The following CHST3 variants were observed in gnomAD, a reference collection of about 807,000 sequenced individuals.
CHST3 encodes the protein C6ST-1.
A neutral mutation model predicts 35.4 loss-of-function variants in CHST3; 20 were observed. The ratio of observed to expected loss-of-function variants is 0.57; its 90% CI spans 0.40 to 0.82. The LOEUF is 0.82. CHST3 is among the 40% of genes least tolerant of loss of function. The pLI is 0.00. For synonymous variants in CHST3, 334 were observed against 295.9 expected, an observed-to-expected ratio of 1.13 and a Z score of -1.32; for missense variants, 693 against 670.1, an observed-to-expected ratio of 1.03 and a Z score of -0.38.
intron 1 of CHST3, among the ~76,000 whole-genome samples, chr10:71,977,908 G>A (rs544340104): frequency 1.3e-5 from 2 of 152,028 alleles, no homozygotes; most frequent in African/African-American, 2.4e-5. Flanking sequence ...TTTAAAGAAG[G>A]TCTCCCACCA....
intron 1 of CHST3, among the ~76,000 whole-genome samples, chr10:71,993,969 G>A (rs925229650): frequency 7.2e-5 from 11 of 152,174 alleles, no homozygotes; most frequent in East Asian, 1.9e-4. Flanking sequence ...GCGTGGTGGC[G>A]GGCACCTGTA....
At chr10:71,972,854 G>C (rs950569403) in intron 1 of CHST3, among the ~76,000 whole-genome samples, 4 of 152,158 alleles carry the variant, frequency 2.6e-5, no homozygotes, top group African/African-American at 9.7e-5. Context: ...CTGGAAGCCT[G>C]GGTGGTGGCC....
At chr10:71,977,083 G>A (rs1302424490) in intron 1 of CHST3, among the ~76,000 whole-genome samples, 1 of 152,176 alleles carries the variant, frequency 6.6e-6, no homozygotes. Context: ...AAATAACCTG[G>A]AAATAGCATC....
At chr10:71,975,165 C>A (rs1445110582) in intron 1 of CHST3, among the ~76,000 whole-genome samples, 1 of 152,224 alleles carries the variant, frequency 6.6e-6, no homozygotes, top group Non-Finnish European at 1.5e-5. Flanking sequence ...TGCCTTCCTG[C>A]AGAATACAGT....
At chr10:71,973,884 G>A (rs1302711537) in intron 1 of CHST3, among the ~76,000 whole-genome samples, 1 of 152,226 alleles carries the variant, frequency 6.6e-6, no homozygotes, top group Non-Finnish European at 1.5e-5. Context: ...TGGCTGGACT[G>A]AACTGAAATG....
chr10:71,994,515 G>C (rs921676825), intron 1 of CHST3, among the ~76,000 whole-genome samples: 2 of 152,150 alleles, frequency 1.3e-5, no homozygotes, highest in Non-Finnish European at 2.9e-5. Flanking sequence ...TGTCATCCAG[G>C]CCTGTTCCAT....
At chr10:72,003,136 G>A (rs1840008696) in intron 1 of CHST3, among the ~76,000 whole-genome samples, 1 of 152,162 alleles carries the variant, frequency 6.6e-6, no homozygotes, top group Non-Finnish European at 1.5e-5. Flanking sequence ...GCTTTGCTGA[G>A]GATTTGATGA....
Position 72,008,453 on chromosome 10 carries a change from C to A in CHST3, c.1422C>A (p.Gly474=). 1.3e-6 allele frequency: 2 copies of A among 1,560,326 alleles called. No homozygotes were observed. The highest frequency in any genetic ancestry group is 2.3e-5 in the East Asian group (1 of 42,650). Reference sequence around the variant, plus strand: ...CAGTCAGCCTGCTGGAGGAGAGGGGCACCTTCTGGGTCACGTAGGGGGGCC... The same window carrying A: ...CAGTCAGCCTGCTGGAGGAGAGGGGAACCTTCTGGGTCACGTAGGGGGGCC... The part of the protein sequence containing the change: ...NRSVSLLEER[G]TFWVT Residue 474 remains glycine, a synonymous_variant, in exon 3 of 3, where the codon GGC becomes GGA. Transcript: ENST00000373115.
At position 71,964,424 on chromosome 10, in the gene CHST3, G is replaced by A. The variant is rs1345771780; in HGVS notation, c.-378G>A. ...GCCGGCTCGGGCCTGAGCGGGGAGG[G>A]CGCCAGGCAGGACCTCTCGCAGGCT... On this transcript the variant is annotated 5_prime_UTR_variant, in exon 1 of 3. Transcript: ENST00000373115. 3 of 152,300 alleles carry A rather than the reference G, an allele frequency of 2.0e-5. No individual in the cohort carries two copies. Among genetic ancestry groups the A allele is most frequent in the East Asian group, 1.9e-4 (1 of 5,182 alleles). 9.4% of individuals were successfully genotyped at this position (152,300 alleles called of 1,614,324 possible).
chr10:71,983,639 C>T (rs1348801556), intron 1 of CHST3, among the ~76,000 whole-genome samples: 5 of 152,088 alleles, frequency 3.3e-5, no homozygotes, highest in South Asian at 4.1e-4. Context: ...TCAGTAGAGA[C>T]GGGGTTTCAC....
At chr10:72,002,601 AGC>A (rs1392828709) in intron 1 of CHST3, among the ~76,000 whole-genome samples, 1 of 152,230 alleles carries the variant, frequency 6.6e-6, no homozygotes, top group Admixed American at 6.5e-5. Flanking sequence ...GAAGGACTAG[AGC>A]CCAGGACTTC....
intron 1 of CHST3, among the ~76,000 whole-genome samples, chr10:71,982,028 G>A (rs1213959456): frequency 6.6e-6 from 1 of 152,240 alleles, no homozygotes; most frequent in African/African-American, 2.4e-5. Flanking sequence ...TAAGGAAGCA[G>A]GTGCTTATGG....
intron 1 of CHST3, among the ~76,000 whole-genome samples, chr10:71,990,930 A>C (rs928522688): frequency 2.0e-5 from 3 of 152,192 alleles, no homozygotes; most frequent in Non-Finnish European, 2.9e-5. Context: ...TAGTCCCCCA[A>C]ATCTTAGTAT....
At chr10:71,969,414 TG>T (rs1369427045) in intron 1 of CHST3, among the ~76,000 whole-genome samples, 1 of 152,212 alleles carries the variant, frequency 6.6e-6, no homozygotes, top group African/African-American at 2.4e-5. Context: ...TTATCCCTGC[TG>T]GGGCAGGGTC....
chr10:71,989,942 C>A (rs777742030), intron 1 of CHST3, among the ~76,000 whole-genome samples: 7 of 152,220 alleles, frequency 4.6e-5, no homozygotes, highest in Non-Finnish European at 1.0e-4. Flanking sequence ...CAGAGTATTG[C>A]ACTGATAAAT....
At chr10:71,999,691 G>A (rs898625132) in intron 1 of CHST3, among the ~76,000 whole-genome samples, 3 of 152,202 alleles carry the variant, frequency 2.0e-5, no homozygotes, top group East Asian at 1.9e-4. Context: ...GGAACAGGCC[G>A]CAGTCCATTT....
intron 1 of CHST3, among the ~76,000 whole-genome samples, chr10:71,983,261 G>A (rs573906797): frequency 6.6e-6 from 1 of 152,304 alleles, no homozygotes; most frequent in African/African-American, 2.4e-5. Context: ...CTGACATAAT[G>A]CAGCAACCCA....
intron 1 of CHST3, among the ~76,000 whole-genome samples, chr10:71,971,861 T>C (rs1394631046): frequency 6.6e-6 from 1 of 152,048 alleles, no homozygotes; most frequent in Non-Finnish European, 1.5e-5. Flanking sequence ...AGAATAGAAA[T>C]CTAGAACCTG....
intron 1 of CHST3, among the ~76,000 whole-genome samples, chr10:71,967,763 A>G (rs1839645775): frequency 1.3e-5 from 2 of 152,148 alleles, no homozygotes; most frequent in African/African-American, 4.8e-5. Flanking sequence ...GCTTTCCACA[A>G]TGGCTGAACT....
Sources: allele counts gnomAD v4.1 joint callset (sites outside exome capture counted in the v4.1 genomes callset), GRCh38; gene constraint gnomAD v4.1.1; transcripts MANE v1.5; gene names NCBI Gene and HGNC (gene_info 2026-07-23, HGNC 2026-07-21).